Variants in IGSF5 observed in about 807,000 individuals in gnomAD.
IGSF5 encodes the protein immunoglobulin superfamily member 5, also known as immunoglobulin superfamily 5 like.
In IGSF5, 41 loss-of-function variants were observed where a neutral mutation model predicts 39.4. The observed-to-expected ratio is 1.04, with a 90% CI of 0.81 to 1.35. The LOEUF is 1.35. Ranked by LOEUF, IGSF5 falls within the 40% of genes most tolerant of loss-of-function variation. The pLI, the probability that IGSF5 is intolerant of heterozygous loss-of-function variation, is 0.00. For synonymous variants in IGSF5, 183 were observed against 175.3 expected (o/e 1.04, Z -0.34); for missense variants, 487 against 494.6 (o/e 0.98, Z 0.15).
the IGSF5 span, among the ~76,000 whole-genome samples, chr21:39,732,233 T>G: frequency 2.0e-5 from 3 of 152,326 alleles, no homozygotes; most frequent in East Asian, 5.8e-4. Context: ...AATAAATGGT[T>G]GTTCTTATTT....
the IGSF5 span, among the ~76,000 whole-genome samples, chr21:39,739,476 A>G: frequency 1.3e-4 from 20 of 152,116 alleles, no homozygotes; most frequent in African/African-American, 4.8e-4. Context: ...TCTCCTTACT[A>G]TCTGGTTGGG....
the IGSF5 span, among the ~76,000 whole-genome samples, chr21:39,728,474 C>G: frequency 6.6e-6 from 1 of 152,110 alleles, no homozygotes; most frequent in Non-Finnish European, 1.5e-5. Context: ...TCAGAGGGAG[C>G]CTGGCCTTCC....
chr21:39,769,081 T>A (rs969466419), intron 3 of IGSF5, among the ~76,000 whole-genome samples: 56 of 152,170 alleles, frequency 3.7e-4, no homozygotes, highest in African/African-American at 1.3e-3. Context: ...CATGCAAGGA[T>A]AAAAGGTCCA....
chr21:39,715,562 G>GCACTCCTT, the IGSF5 span, among the ~76,000 whole-genome samples: 3 of 152,120 alleles, frequency 2.0e-5, no homozygotes, highest in Non-Finnish European at 4.4e-5. Flanking sequence ...ATCATCTCTA[G>GCACTCCTT]CACTCCTTCA....
chr21:39,736,633 A>T, the IGSF5 span, among the ~76,000 whole-genome samples: 1 of 152,174 alleles, frequency 6.6e-6, no homozygotes, highest in Admixed American at 6.5e-5. Context: ...CCTCTCTGTA[A>T]CTGGTCAATA....
At chr21:39,711,949 A>G in the IGSF5 span, among the ~76,000 whole-genome samples, 1 of 152,112 alleles carries the variant, frequency 6.6e-6, no homozygotes, top group Admixed American at 6.5e-5. Context: ...GTCCCAGCTT[A>G]ATGTGTAATG....
rs758663731 is a variant in IGSF5, at chr21:39,776,928, C to T, written c.719-2162C>T. 5.3e-5 allele frequency among the ~76,000 whole-genome samples: 8 copies of T among 152,210 alleles called. No homozygotes were observed. In the South Asian group the frequency reaches 6.2e-4, roughly 12 times the overall value. On this transcript the variant is annotated intron_variant, in intron 4 of 8. Coordinates refer to ENST00000380588, the MANE Select transcript of IGSF5 (RefSeq NM_001080444.2). Reference sequence around the variant, plus strand: ...ATGCAAACTTCAGTTCGTAAGAGTCCGTTAAACTGGAAATAGGATGACCAC... The same window carrying T: ...ATGCAAACTTCAGTTCGTAAGAGTCTGTTAAACTGGAAATAGGATGACCAC...
intron 2 of IGSF5, among the ~76,000 whole-genome samples, chr21:39,752,988 GA>G (rs1485062248): frequency 6.6e-6 from 1 of 152,176 alleles, no homozygotes; most frequent in African/African-American, 2.4e-5. Context: ...TTGCTGTGCA[GA>G]AGCTTTTTAG....
the IGSF5 span, among the ~76,000 whole-genome samples, chr21:39,733,919 T>C: frequency 8.9e-4 from 136 of 152,256 alleles, 1 homozygote; most frequent in Admixed American, 3.0e-3. Flanking sequence ...CTTATAAGGA[T>C]ATCAGTCATA....
chr21:39,737,571 T>C, the IGSF5 span, among the ~76,000 whole-genome samples: 79 of 152,274 alleles, frequency 5.2e-4, no homozygotes, highest in African/African-American at 1.8e-3. Context: ...AGGAAAACAC[T>C]TGTTTATGTT....
chr21:39,794,506 T>C (rs887503604), intron 8 of IGSF5, among the ~76,000 whole-genome samples: 5 of 152,204 alleles, frequency 3.3e-5, no homozygotes, highest in Admixed American at 6.5e-5. Flanking sequence ...AATTTGCTGA[T>C]ATAGAGTCAG....
chr21:39,784,963 C>A (rs1231597085), intron 5 of IGSF5, among the ~76,000 whole-genome samples: 1 of 151,004 alleles, frequency 6.6e-6, no homozygotes, highest in Non-Finnish European at 1.5e-5. Flanking sequence ...GGTCCCCAGG[C>A]TCCTTTCTTT....
At chr21:39,723,473 C>T in the IGSF5 span, among the ~76,000 whole-genome samples, 2 of 152,156 alleles carry the variant, frequency 1.3e-5, no homozygotes, top group African/African-American at 4.8e-5. Context: ...AGAAGCAAGT[C>T]AGAAGTCCCA....
At chr21:39,780,715 G>A (rs2080165922) in intron 5 of IGSF5, among the ~76,000 whole-genome samples, 3 of 152,174 alleles carry the variant, frequency 2.0e-5, no homozygotes, top group South Asian at 4.1e-4. Flanking sequence ...CCTTGCTTGC[G>A]GTTGGGATCA....
chr21:39,800,261 C>T (rs467037), intron 8 of IGSF5, among the ~76,000 whole-genome samples: 151,410 of 152,312 alleles, frequency 0.99, 75,256 homozygotes, highest in Middle Eastern at 1. Flanking sequence ...ATTTTCCTGG[C>T]TGTTTTAGGA....
chr21:39,714,858 A>G, the IGSF5 span, among the ~76,000 whole-genome samples: 1 of 152,074 alleles, frequency 6.6e-6, no homozygotes, highest in South Asian at 2.1e-4. Context: ...CAGGACTCCG[A>G]TATATAATTT....
the IGSF5 span, among the ~76,000 whole-genome samples, chr21:39,733,523 A>C: frequency 6.6e-6 from 1 of 152,364 alleles, no homozygotes; most frequent in African/African-American, 2.4e-5. Context: ...TAGTGACTTA[A>C]AATTATTTCA....
chr21:39,795,345 C>T (rs1346706929), intron 8 of IGSF5, among the ~76,000 whole-genome samples: 1 of 152,050 alleles, frequency 6.6e-6, no homozygotes, highest in African/African-American at 2.4e-5. Context: ...GGCTCGCTCC[C>T]ACCCCAGCTC....
chr21:39,729,015 A>G, the IGSF5 span: 2 of 152,186 alleles, frequency 1.3e-5, no homozygotes, highest in South Asian at 2.1e-4. Context: ...CTTTCTCTGT[A>G]GGTTCCAACT....
Sources: gnomAD v4.1 joint callset for allele counts (sites outside exome capture counted in the v4.1 genomes callset) on GRCh38, gnomAD v4.1.1 for gene constraint, MANE v1.5 for transcripts, NCBI Gene and HGNC (gene_info 2026-07-23, HGNC 2026-07-21) for gene names.